The following ABI1 variants were observed in gnomAD, a reference collection of about 807,000 sequenced individuals.
ABI1 encodes the protein abl interactor 1.
ABI1 carries 14 observed loss-of-function variants against 54.6 expected under a neutral mutation model. The observed-to-expected ratio is 0.26, with a 90% CI of 0.17 to 0.40. The LOEUF is 0.40. Among genes scored for constraint, ABI1 ranks in the 10% least tolerant of loss-of-function variants. The probability of loss-of-function intolerance (pLI) is 1.00; values close to 1 mark genes in which losing one functional copy is unlikely to be tolerated. For missense variants in ABI1, 443 were observed against 598.3 expected (o/e 0.74, Z 2.71); for synonymous variants, 194 against 209.3 (o/e 0.93, Z 0.63).
intron 1 of ABI1, among the ~76,000 whole-genome samples, chr10:26,837,058 T>C (rs1459749708): frequency 6.6e-6 from 1 of 152,332 alleles, no homozygotes; most frequent in South Asian, 2.1e-4. Context: ...CATTAAAATG[T>C]TACCTGAGAA....
intron 2 of ABI1, among the ~76,000 whole-genome samples, chr10:26,785,060 G>T (rs1367479967): frequency 6.6e-6 from 1 of 152,172 alleles, no homozygotes; most frequent in African/African-American, 2.4e-5. Context: ...TTGCAGTCTG[G>T]CCTCATCCTG....
rs544190583 is a variant in ABI1, at chr10:26,777,215, C to T, written c.312G>A (p.Val104=). ...SQTVDIHKEK[V]ARREIGILTT... is the part of the protein sequence containing the mutation. ...TCAAAATACCAATCTCTCTTCGTGCCACTTTCTCCTTATGAATATCCACAG... is the reference window on the plus strand; with the variant it reads ...TCAAAATACCAATCTCTCTTCGTGCTACTTTCTCCTTATGAATATCCACAG... The change falls in exon 3 of 11, where the codon GTG becomes GTA. Residue 104 remains valine, a synonymous_variant. Coordinates refer to ENST00000376140, the MANE Select transcript of ABI1 (RefSeq NM_001012750.3). 14 of 1,608,502 alleles carry T rather than the reference C, an allele frequency of 8.7e-6. No homozygotes were observed. In the South Asian group the frequency reaches 1.6e-4, roughly 18 times the overall value.
At chr10:26,858,435 TC>T (rs1459938491) in intron 1 of ABI1, among the ~76,000 whole-genome samples, 1 of 149,118 alleles carries the variant, frequency 6.7e-6, no homozygotes, top group African/African-American at 2.5e-5. Flanking sequence ...ATTTAGATAA[TC>T]ATTGCTTTGC....
chr10:26,755,339 G>A (rs1479944755), intron 9 of ABI1, among the ~76,000 whole-genome samples: 1 of 152,054 alleles, frequency 6.6e-6, no homozygotes, highest in Non-Finnish European at 1.5e-5. Flanking sequence ...ACTGTTAGAA[G>A]CTAAAAGTTT....
At chr10:26,859,579 C>T (rs2051130141) in intron 1 of ABI1, among the ~76,000 whole-genome samples, 1 of 152,214 alleles carries the variant, frequency 6.6e-6, no homozygotes, top group Non-Finnish European at 1.5e-5. Context: ...TTGGTTTACA[C>T]AGTTAAAGAT....
At chr10:26,773,615 T>TA (rs963135312) in intron 3 of ABI1, among the ~76,000 whole-genome samples, 1 of 152,142 alleles carries the variant, frequency 6.6e-6, no homozygotes, top group Admixed American at 6.5e-5. Flanking sequence ...TACACTGTTT[T>TA]AAAAAAATTA....
intron 1 of ABI1, among the ~76,000 whole-genome samples, chr10:26,832,453 G>A (rs909079289): frequency 6.6e-5 from 10 of 151,910 alleles, no homozygotes; most frequent in Admixed American, 5.2e-4. Context: ...GAATGGTGGC[G>A]GGCGCCTGTA....
intron 8 of ABI1, among the ~76,000 whole-genome samples, chr10:26,757,800 GC>G (rs1480651077): frequency 6.6e-6 from 1 of 152,050 alleles, no homozygotes; most frequent in Non-Finnish European, 1.5e-5. Flanking sequence ...ACTTTCAGTG[GC>G]TCACGCCTGT....
At chr10:26,859,698 T>C (rs896083631) in intron 1 of ABI1, among the ~76,000 whole-genome samples, 12 of 152,258 alleles carry the variant, frequency 7.9e-5, no homozygotes, top group African/African-American at 2.4e-4. Flanking sequence ...CAATAACAGA[T>C]ATTTTTACGT....
chr10:26,853,734 G>C (rs917289774), intron 1 of ABI1, among the ~76,000 whole-genome samples: 3 of 151,794 alleles, frequency 2.0e-5, no homozygotes, highest in African/African-American at 7.3e-5. Flanking sequence ...AGTAGAGACG[G>C]GGTTTCACCA....
intron 8 of ABI1, 74 bp from the exon 9 acceptor site, chr10:26,755,815 G>T: frequency 1.8e-6 from 2 of 1,107,678 alleles, no homozygotes; most frequent in Non-Finnish European, 2.6e-6. Flanking sequence ...AAAAGCAGAA[G>T]TCAGTTACAA....
chr10:26,824,052 T>A (rs937617619), intron 1 of ABI1, among the ~76,000 whole-genome samples: 1 of 151,274 alleles, frequency 6.6e-6, no homozygotes, highest in African/African-American at 2.4e-5. Context: ...ACTCAGAGAC[T>A]AAACAAAATG....
chr10:26,763,858 T>G, intron 7 of ABI1: 1 of 1,598,694 alleles, frequency 6.3e-7, no homozygotes, highest in Non-Finnish European at 8.6e-7. Context: ...GTTCAATGGC[T>G]CCAATGGCTA....
At chr10:26,832,539 A>C (rs1374130462) in intron 1 of ABI1, among the ~76,000 whole-genome samples, 1 of 152,050 alleles carries the variant, frequency 6.6e-6, no homozygotes. Context: ...AACCGAGATC[A>C]CGTCACTGCA....
chr10:26,854,220 G>A (rs1164893431), intron 1 of ABI1, among the ~76,000 whole-genome samples: 4 of 152,066 alleles, frequency 2.6e-5, no homozygotes, highest in African/African-American at 9.7e-5. Context: ...CTAAAATTGA[G>A]GTTCTAAACA....
intron 1 of ABI1, among the ~76,000 whole-genome samples, chr10:26,851,348 ATTT>A (rs397724445): frequency 8.8e-5 from 6 of 67,816 alleles, no homozygotes; most frequent in African/African-American, 2.6e-4. Flanking sequence ...GACTAAGCTA[ATTT>A]TTTTTTTTTT....
Position 26,746,628 on chromosome 10 carries a change from AG to A in ABI1, c.*1941del. On this transcript the variant is annotated 3_prime_UTR_variant, in exon 11 of 11. Transcript: ENST00000376140. The stretch of plus-strand genomic sequence containing the variant: ...GCAATTTATTTTTTTTTATTGCAAA[AG>A]TTTTTTCAGAAAACTTTTTAAATGT... 1.3e-6 allele frequency: 1 copy of A among 765,570 alleles called. No individual in the cohort carries two copies. The highest frequency in any genetic ancestry group is 3.7e-4 in the Middle Eastern group (1 of 2,680). 47.4% of individuals were successfully genotyped at this position (765,570 alleles called of 1,614,324 possible). A position where few individuals can be genotyped will look rare whatever the true frequency, so the allele number is the denominator to read the frequency against.
chr10:26,844,978 C>A (rs2049864934), intron 1 of ABI1, among the ~76,000 whole-genome samples: 1 of 152,162 alleles, frequency 6.6e-6, no homozygotes, highest in South Asian at 2.1e-4. Flanking sequence ...TAAGATGAAT[C>A]TTCCCAAAGC....
intron 2 of ABI1, among the ~76,000 whole-genome samples, chr10:26,820,709 G>C (rs2047918450): frequency 6.6e-6 from 1 of 150,996 alleles, no homozygotes; most frequent in African/African-American, 2.4e-5. Flanking sequence ...TCAGCCTCCT[G>C]AGTGAGTAGC....
Sources: gnomAD v4.1 joint callset for allele counts (sites outside exome capture counted in the v4.1 genomes callset) on GRCh38, gnomAD v4.1.1 for gene constraint, MANE v1.5 for transcripts, NCBI Gene and HGNC (gene_info 2026-07-23, HGNC 2026-07-21) for gene names.